Variants in XKR6 observed in about 807,000 individuals in gnomAD.
XKR6 encodes XK related 6.
Under a neutral mutation model 56.7 loss-of-function variants are expected in XKR6, and 22 were observed. The ratio of observed to expected loss-of-function variants is 0.39; its 90% CI spans 0.28 to 0.55. XKR6 has a LOEUF of 0.55. Among genes scored for constraint, XKR6 ranks in the 20% least tolerant of loss-of-function variants. The pLI is 0.66. For synonymous variants in XKR6, 524 were observed against 387.8 expected (o/e 1.35, Z -4.13); for missense variants, 852 against 889.0 (o/e 0.96, Z 0.53).
intron 1 of XKR6, among the ~76,000 whole-genome samples, chr8:11,115,474 T>A (rs1799126516): frequency 6.6e-6 from 1 of 152,198 alleles, no homozygotes; most frequent in African/African-American, 2.4e-5. Flanking sequence ...TGAAGACAAA[T>A]ATGTTACAGA....
intron 1 of XKR6, among the ~76,000 whole-genome samples, chr8:10,945,753 C>T (rs564667889): frequency 2.0e-5 from 3 of 152,298 alleles, no homozygotes; most frequent in African/African-American, 4.8e-5. Flanking sequence ...CTATTCCAAG[C>T]CCCCAGGGCA....
chr8:10,996,931 TGCACTCCAGCCTGG>T, intron 1 of XKR6, among the ~76,000 whole-genome samples: 1 of 152,270 alleles, frequency 6.6e-6, no homozygotes, highest in Admixed American at 6.5e-5. Context: ...ATGGCTCCAC[TGCACTCCAGCCTGG>T]GCAATAGAGA....
At chr8:10,953,520 A>G (rs1203027233) in intron 1 of XKR6, among the ~76,000 whole-genome samples, 1 of 152,158 alleles carries the variant, frequency 6.6e-6, no homozygotes, top group Non-Finnish European at 1.5e-5. Context: ...ACCTAGTCTC[A>G]GGTATTTCAT....
chr8:11,086,148 A>ATATATATATATATATATT (rs71203369), intron 1 of XKR6, among the ~76,000 whole-genome samples: 1 of 120,720 alleles, frequency 8.3e-6, no homozygotes, highest in African/African-American at 3.9e-5. Context: ...ATATATATAT[A>ATATATATATATATATATT]TTTTTTTTTA....
intron 1 of XKR6, among the ~76,000 whole-genome samples, chr8:10,995,277 G>T (rs1798083588): frequency 6.6e-6 from 1 of 151,558 alleles, no homozygotes; most frequent in South Asian, 2.1e-4. Flanking sequence ...TGCTTTAGGA[G>T]ACTGAAGCAG....
At chr8:11,172,884 C>A (rs1802449368) in intron 1 of XKR6, among the ~76,000 whole-genome samples, 1 of 152,142 alleles carries the variant, frequency 6.6e-6, no homozygotes, top group South Asian at 2.1e-4. Flanking sequence ...AGCAAAACCA[C>A]AAGAAAGATT....
chr8:11,141,665 C>A (rs879413394), intron 1 of XKR6, among the ~76,000 whole-genome samples: 9 of 152,156 alleles, frequency 5.9e-5, no homozygotes, highest in Non-Finnish European at 1.2e-4. Context: ...CCACAGCTCT[C>A]CCCCAATATG....
intron 1 of XKR6, among the ~76,000 whole-genome samples, chr8:11,012,012 T>G (rs768000427): frequency 8.5e-5 from 13 of 152,194 alleles, no homozygotes; most frequent in Non-Finnish European, 1.8e-4. Context: ...CACATGTCTG[T>G]GACAGGAGCC....
chr8:11,077,676 G>A (rs994412393), intron 1 of XKR6, among the ~76,000 whole-genome samples: 20 of 152,082 alleles, frequency 1.3e-4, no homozygotes, highest in Admixed American at 4.6e-4. Context: ...CTGTTTCCCC[G>A]CCCAGCTCCC....
chr8:11,012,893 T>G (rs546649704), intron 1 of XKR6, among the ~76,000 whole-genome samples: 4 of 152,234 alleles, frequency 2.6e-5, no homozygotes, highest in African/African-American at 9.6e-5. Flanking sequence ...TTTCGTCCAA[T>G]GCCTTGCTGA....
intron 1 of XKR6, among the ~76,000 whole-genome samples, chr8:11,015,958 G>C (rs1343618543): frequency 6.6e-6 from 1 of 152,130 alleles, no homozygotes; most frequent in African/African-American, 2.4e-5. Flanking sequence ...GGCTGCAGGC[G>C]GGCTCCATGA....
intron 2 of XKR6, among the ~76,000 whole-genome samples, chr8:10,914,309 T>C (rs1800494584): frequency 6.6e-6 from 1 of 152,106 alleles, no homozygotes; most frequent in Non-Finnish European, 1.5e-5. Context: ...ATACAGTATA[T>C]ACTGGGGATG....
chr8:11,035,326 T>TG (rs558010459), intron 1 of XKR6: 133 of 534,756 alleles, frequency 2.5e-4, no homozygotes, highest in African/African-American at 2.4e-3. Flanking sequence ...TGTGGCAGCT[T>TG]GGGCCCCCAC....
In XKR6 at chr8:11,160,295, A is replaced by G. The variant is rs569912475; in HGVS notation, c.764+40281T>C. On this transcript the variant is annotated intron_variant, in intron 1 of 2. Transcript: ENST00000416569. Reference sequence around the variant, plus strand: ...CATCACAATTTATTTTTTTAAAAGGATATTATGTTCAATTCTGAGTAGTCA... The same window carrying G: ...CATCACAATTTATTTTTTTAAAAGGGTATTATGTTCAATTCTGAGTAGTCA... Among the ~76,000 whole-genome samples the G allele has an allele frequency of 3.3e-5, 5 of 152,224 alleles. No homozygotes were observed. In the East Asian group the frequency reaches 9.6e-4, roughly 29 times the overall value.
At chr8:11,129,216 G>T (rs999389840) in intron 1 of XKR6, among the ~76,000 whole-genome samples, 1 of 152,116 alleles carries the variant, frequency 6.6e-6, no homozygotes, top group Non-Finnish European at 1.5e-5. Context: ...ACTCTTACAC[G>T]CCACTGAATT....
At chr8:11,197,031 A>G (rs1245626506) in intron 1 of XKR6, among the ~76,000 whole-genome samples, 3 of 152,196 alleles carry the variant, frequency 2.0e-5, no homozygotes, top group Non-Finnish European at 2.9e-5. Context: ...ACAACGCTAA[A>G]ACAGAGCTGT....
chr8:11,119,046 C>T (rs557433372), intron 1 of XKR6, among the ~76,000 whole-genome samples: 2 of 151,970 alleles, frequency 1.3e-5, no homozygotes, highest in East Asian at 3.9e-4. Flanking sequence ...ATCTTTATTT[C>T]TGCCTTCATT....
intron 2 of XKR6, among the ~76,000 whole-genome samples, chr8:10,913,028 G>C (rs1800454090): frequency 7.1e-6 from 1 of 140,964 alleles, no homozygotes; most frequent in South Asian, 2.2e-4. Context: ...AGGAGAGAAA[G>C]GGTGTGTGTG....
chr8:11,200,495 G>A lies in XKR6; in HGVS notation c.764+81C>T, dbSNP rs13252594. 1 of 1,356,726 alleles carries A rather than the reference G, an allele frequency of 7.4e-7. No homozygotes were observed. Among genetic ancestry groups the A allele is most frequent in the Admixed American group, 3.8e-5 (1 of 25,984 alleles). The allele number at this position is 1,356,726 out of a possible 1,614,324, so 84.0% of individuals were successfully genotyped here. On this transcript the variant is annotated intron_variant, in intron 1 of 2. Coordinates refer to ENST00000416569, the MANE Select transcript of XKR6 (RefSeq NM_173683.4). The surrounding 1 kb of genome is among the most constrained non-coding windows in gnomAD (Gnocchi z 6.4). ...CGAGCCCCCCGCGCTGGGCCCTTTC[G>A]AGGGGCCGCCCCGCGAAGCACCGGG...
Sources: gnomAD v4.1 joint callset for allele counts (sites outside exome capture counted in the v4.1 genomes callset) on GRCh38, gnomAD v4.1.1 for gene constraint, Gnocchi (gnomAD v3.1) non-coding constraint, MANE v1.5 for transcripts, NCBI Gene and HGNC (gene_info 2026-07-23, HGNC 2026-07-21) for gene names.